SUGP2: variants seen among roughly 807,000 people sequenced by gnomAD.
SUGP2 encodes the protein SURP and G-patch domain containing 2.
Under a neutral mutation model 90.5 loss-of-function variants are expected in SUGP2, and 24 were observed. That is an observed-to-expected ratio of 0.27 (90% confidence interval 0.19 to 0.37). The LOEUF is 0.37. SUGP2 is among the 10% of genes least tolerant of loss of function. The pLI, the probability that SUGP2 is intolerant of heterozygous loss-of-function variation, is 1.00. For synonymous variants in SUGP2, 473 were observed against 513.4 expected (o/e 0.92, Z 1.06); for missense variants, 1,233 against 1,363.3 (o/e 0.90, Z 1.51).
chr19:18,994,525 C>T (rs761912771), intron 9 of SUGP2, 39 bp from the exon 10 acceptor site: 7 of 1,608,276 alleles, frequency 4.4e-6, no homozygotes, highest in Non-Finnish European at 5.1e-6. Context: ...GCACCTGAGC[C>T]CAGGGCCTGG....
intron 3 of SUGP2, among the ~76,000 whole-genome samples, chr19:19,020,988 C>G (rs185147386): frequency 1.3e-5 from 2 of 151,600 alleles, no homozygotes; most frequent in Non-Finnish European, 2.9e-5. Flanking sequence ...GGAGAAACCC[C>G]GTCTCTACTA....
intron 5 of SUGP2, among the ~76,000 whole-genome samples, chr19:19,009,450 AG>A (rs1599466275): frequency 1.3e-5 from 2 of 152,184 alleles, no homozygotes; most frequent in East Asian, 3.9e-4. Flanking sequence ...CCCCAAGAAC[AG>A]GAACTGTGGA....
Position 19,009,943 on chromosome 19 carries a change from G to A in SUGP2, c.2250C>T (p.Ser750=). The change falls in exon 5 of 11, where the codon AGC becomes AGT. Residue 750 remains serine, a synonymous_variant. Coordinates refer to ENST00000452918, the MANE Select transcript of SUGP2 (RefSeq NM_001017392.5). ...TGGGGGATGGGCCTGAGGCTTCTAA[G>A]CTGGGGTCCTGAGGAGAAGGTCCAA... ...DPVGPSPQDP[S]LEASGPSPKP... 1 of 1,614,194 alleles carries A rather than the reference G, an allele frequency of 6.2e-7. No individual in the cohort carries two copies. Among genetic ancestry groups the A allele is most frequent in the South Asian group, 1.1e-5 (1 of 91,084 alleles).
At chr19:19,001,423 T>C (rs2057827918) in intron 8 of SUGP2, among the ~76,000 whole-genome samples, 190 bp downstream of exon 8, 1 of 152,258 alleles carries the variant, frequency 6.6e-6, no homozygotes, top group South Asian at 2.1e-4. Context: ...ATCACTAGTC[T>C]ATGCTTTGGA....
chr19:19,006,796 T>C (rs1376396970), intron 6 of SUGP2, among the ~76,000 whole-genome samples: 1 of 152,142 alleles, frequency 6.6e-6, no homozygotes, highest in Non-Finnish European at 1.5e-5. Context: ...TTCCCGTCTG[T>C]AGGTGGTCAG....
At chr19:18,995,658 TG>T (rs1227237899) in intron 8 of SUGP2, among the ~76,000 whole-genome samples, 1 of 151,008 alleles carries the variant, frequency 6.6e-6, no homozygotes, top group Non-Finnish European at 1.5e-5. Flanking sequence ...CAGGGAAGAG[TG>T]GGGGGCACCA....
intron 4 of SUGP2, among the ~76,000 whole-genome samples, chr19:19,018,363 G>A (rs754236958): frequency 6.6e-6 from 1 of 150,804 alleles, no homozygotes; most frequent in Non-Finnish European, 1.5e-5. Context: ...TAATAAGAAA[G>A]TACTATATTT....
chr19:19,025,118 A>C lies in SUGP2; in HGVS notation c.1230T>G (p.Gly410=). 2.5e-6 allele frequency: 4 copies of C among 1,613,866 alleles called. No individual in the cohort carries two copies. The highest frequency in any genetic ancestry group is 3.4e-6 in the Non-Finnish European group (4 of 1,179,980). ...NEFLNMLLDK[G]AVKTKNCFFE... is the part of the protein sequence containing the mutation. Reference sequence around the variant, plus strand: ...AAAAGCAATTTTTGGTCTTCACAGCACCTTTGTCTAAAAGCATGTTTAAAA... The same window carrying C: ...AAAAGCAATTTTTGGTCTTCACAGCCCCTTTGTCTAAAAGCATGTTTAAAA... The change falls in exon 3 of 11, where the codon GGT becomes GGG. Residue 410 remains glycine (G), a synonymous_variant. Transcript: ENST00000452918.
intron 3 of SUGP2, among the ~76,000 whole-genome samples, chr19:19,024,005 C>A (rs778715974): frequency 6.6e-6 from 1 of 152,086 alleles, no homozygotes; most frequent in African/African-American, 2.4e-5. Flanking sequence ...ACGAATCCCC[C>A]GGATGATATA....
chr19:19,032,003 C>T (rs2059179339), intron 1 of SUGP2, among the ~76,000 whole-genome samples: 1 of 151,718 alleles, frequency 6.6e-6, no homozygotes, highest in Non-Finnish European at 1.5e-5. Context: ...CTTCTCTGGG[C>T]CCATCTCCTT....
chr19:18,995,446 G>A (rs970744701), intron 8 of SUGP2, among the ~76,000 whole-genome samples, 166 bp from the exon 9 acceptor site: 1 of 152,184 alleles, frequency 6.6e-6, no homozygotes, highest in Admixed American at 6.5e-5. Flanking sequence ...AACATCCCTG[G>A]GTGGGATGGA....
At chr19:19,006,406 T>C (rs1321619821) in intron 6 of SUGP2, among the ~76,000 whole-genome samples, 1 of 152,018 alleles carries the variant, frequency 6.6e-6, no homozygotes, top group Non-Finnish European at 1.5e-5. Flanking sequence ...TTGCCCAGTA[T>C]TGTGGTCAGG....
chr19:18,998,866 A>C (rs1290573407), intron 8 of SUGP2: 3 of 152,374 alleles, frequency 2.0e-5, no homozygotes, highest in Non-Finnish European at 4.4e-5. Flanking sequence ...GACCTGCTAC[A>C]CTGGGGGGCC....
chr19:19,033,813 G>C (rs923378796), upstream of SUGP2: 4 of 257,752 alleles, frequency 1.6e-5, no homozygotes, highest in African/African-American at 2.3e-5. Flanking sequence ...GTCTCTGGGA[G>C]GCCAAGCCTA....
chr19:19,021,946 C>T (rs1486908998), intron 3 of SUGP2, among the ~76,000 whole-genome samples: 2 of 151,832 alleles, frequency 1.3e-5, no homozygotes, highest in East Asian at 1.9e-4. Flanking sequence ...ATTATAGCTG[C>T]GAACGACTGC....
chr19:19,016,288 T>C (rs2058498760), intron 4 of SUGP2, among the ~76,000 whole-genome samples: 2 of 151,988 alleles, frequency 1.3e-5, no homozygotes, highest in Admixed American at 1.3e-4. Context: ...ACCTTATAGG[T>C]GTGAGCCACC....
At chr19:19,007,972 T>C (rs2145447060) in intron 6 of SUGP2, among the ~76,000 whole-genome samples, 1 of 152,222 alleles carries the variant, frequency 6.6e-6, no homozygotes, top group South Asian at 2.1e-4. Flanking sequence ...GTGGCCAGGC[T>C]GGTCTCGAAC....
At chr19:19,001,017 CTTT>C (rs1163536301) in intron 8 of SUGP2, among the ~76,000 whole-genome samples, 12 of 138,500 alleles carry the variant, frequency 8.7e-5, no homozygotes, top group Middle Eastern at 3.8e-3. Flanking sequence ...GCTTGAACTT[CTTT>C]TTTTTTTTTT....
intron 4 of SUGP2, among the ~76,000 whole-genome samples, chr19:19,014,844 G>A (rs1196673536): frequency 1.3e-5 from 2 of 151,690 alleles, no homozygotes; most frequent in African/African-American, 2.4e-5. Context: ...TATATCTTCA[G>A]AGAATGTCAA....
Sources: gnomAD v4.1 joint callset for allele counts (sites outside exome capture counted in the v4.1 genomes callset) on GRCh38, gnomAD v4.1.1 for gene constraint, MANE v1.5 for transcripts, NCBI Gene and HGNC (gene_info 2026-07-23, HGNC 2026-07-21) for gene names.